HECTD4: variants seen among roughly 807,000 people sequenced by gnomAD.
HECTD4 encodes HECT domain E3 ubiquitin protein ligase 4, also known as probable E3 ubiquitin-protein ligase HECTD4.
In HECTD4, 114 loss-of-function variants were observed where a neutral mutation model predicts 471.5. The observed-to-expected ratio is 0.24, with a 90% confidence interval of 0.21 to 0.28. HECTD4 has a LOEUF of 0.28. Among genes scored for constraint, HECTD4 ranks in the 10% least tolerant of loss-of-function variants. HECTD4 has a pLI of 1.00. For missense variants in HECTD4, 3,866 were observed against 5,651.5 expected, an observed-to-expected ratio of 0.68 and a Z score of 10.13; for synonymous variants, 2,012 against 2,256.0, an observed-to-expected ratio of 0.89 and a Z score of 3.07.
rs140936828 is a variant in HECTD4, at chr12:112,345,822, G to A, written c.178-26080C>T. The stretch of plus-strand genomic sequence containing the variant: ...AGGCAGGAGAATGGCGTGAACCCGG[G>A]AGGCAGAGCTTGCAGTGAGCAGAGA... On this transcript the variant is annotated intron_variant, in intron 1 of 75. Coordinates refer to ENST00000682272, the MANE Select transcript of HECTD4 (RefSeq NM_001388303.1). Among the ~76,000 whole-genome samples the A allele has an allele frequency of 6.1e-3, 926 of 152,330 alleles. 23 individuals carry two copies. The highest frequency in any genetic ancestry group is 0.047 in the East Asian group (244 of 5,180).
intron 64 of HECTD4, among the ~76,000 whole-genome samples, 192 bp downstream of exon 64, chr12:112,178,737 TGG>T (rs2031554548): frequency 6.6e-6 from 1 of 152,146 alleles, no homozygotes; most frequent in African/African-American, 2.4e-5. Context: ...GAGGCTGAGG[TGG>T]GAGGATCGCT....
At chr12:112,167,252 G>A in intron 72 of HECTD4, 65 bp downstream of exon 72, 2 of 1,414,312 alleles carry the variant, frequency 1.4e-6, no homozygotes, top group Non-Finnish European at 2.0e-6. Flanking sequence ...CTGCATGGAG[G>A]CCTAAGCAAG....
Position 112,193,165 on chromosome 12 carries a change from T to G in HECTD4, c.8982A>C (p.Glu2994Asp), listed in dbSNP as rs772548559. The G allele has an allele frequency of 6.2e-7, 1 of 1,613,804 alleles. No individual in the cohort carries two copies. The highest frequency in any genetic ancestry group is 8.5e-7 in the Non-Finnish European group (1 of 1,179,882). Reference protein sequence around the residue: ...LQTAPEQFPSEEFPISESKVN... With the variant: ...LQTAPEQFPSDEFPISESKVN... ...CTTTGGATTCGGAAATTGGGAACTCTTCGGAGGGGAACTGCTCTGGTGCTG... is the reference window on the plus strand; with the variant it reads ...CTTTGGATTCGGAAATTGGGAACTCGTCGGAGGGGAACTGCTCTGGTGCTG... Residue 2994 changes from glutamate (E) to aspartate (D), a missense_variant, in exon 58 of 76, where the codon GAA becomes GAC. By Grantham distance (45) the Glu-to-Asp change is conservative. Transcript: ENST00000682272. The surrounding 1 kb of genome is among the most constrained non-coding windows in gnomAD (Gnocchi z 5.2).
chr12:112,191,328 T>A (rs1180639198), intron 59 of HECTD4, among the ~76,000 whole-genome samples: 3 of 152,222 alleles, frequency 2.0e-5, no homozygotes, highest in Non-Finnish European at 4.4e-5. Flanking sequence ...GGTAAAGAAA[T>A]AATCAGTCCT....
chr12:112,372,872 A>G (rs1380284462), intron 1 of HECTD4, among the ~76,000 whole-genome samples: 1 of 152,040 alleles, frequency 6.6e-6, no homozygotes, highest in Admixed American at 6.6e-5. Flanking sequence ...TTTCAGCCTC[A>G]GCCTCCTGAG....
In HECTD4 at chr12:112,235,669, G is replaced by A. The variant is rs1196685297; in HGVS notation, c.5560C>T (p.Arg1854Trp). The A allele has an allele frequency of 1.9e-6, 3 of 1,613,904 alleles. No individual in the cohort carries two copies. Among genetic ancestry groups the A allele is most frequent in the Admixed American group, 1.7e-5 (1 of 60,002 alleles). The change falls in exon 36 of 76, where the codon CGG becomes TGG. Residue 1854 changes from arginine (R) to tryptophan (W), a missense_variant. Arg to Trp is a moderately radical substitution (Grantham distance 101). Transcript: ENST00000682272. This position sits in a 1 kb window ranked among gnomAD's most constrained non-coding sequence, Gnocchi z 5.0. ...ACGCTCATCAGGGGCAGCGCCGCCC[G>A]GCACAGCTGGAGAATAATAAGGACT... ...KLVLIILQLCRAALPLMSVED... is the reference protein window; with the variant it reads ...KLVLIILQLCWAALPLMSVED...
chr12:112,280,707 C>G (rs990237612), intron 8 of HECTD4, among the ~76,000 whole-genome samples: 1 of 150,386 alleles, frequency 6.6e-6, no homozygotes, highest in African/African-American at 2.5e-5. Flanking sequence ...GTGAGTATAC[C>G]ATTTTCACCA....
At chr12:112,290,958 C>T (rs2034872420) in intron 7 of HECTD4, among the ~76,000 whole-genome samples, 1 of 151,970 alleles carries the variant, frequency 6.6e-6, no homozygotes, top group Non-Finnish European at 1.5e-5. Context: ...AAGAATATAT[C>T]CCGATTCTGC....
At position 112,319,517 on chromosome 12, in the gene HECTD4, G is replaced by A; in HGVS notation, c.403C>T (p.Gln135Ter). ...ALLKRQGLLQQPEQAPFTSRM... is the reference protein window; with the variant it reads ...ALLKRQGLLQ Reference sequence around the variant, plus strand: ...GATGTGAAGGGCGCTTGCTCAGGTTGCTGCAACAAGCCCTGGCGTTTGAGC... The same window carrying A: ...GATGTGAAGGGCGCTTGCTCAGGTTACTGCAACAAGCCCTGGCGTTTGAGC... Residue 135 changes from glutamine to a stop codon, truncating the protein, a stop_gained, in exon 2 of 76, where the codon CAA (glutamine) becomes TAA (stop). Transcript: ENST00000682272. LOFTEE classifies it high-confidence loss of function. This position sits in a 1 kb window ranked among gnomAD's most constrained non-coding sequence, Gnocchi z 5.3. 6.8e-7 allele frequency: 1 copy of A among 1,466,774 alleles called. No homozygotes were observed. The highest frequency in any genetic ancestry group is 2.4e-5 in the Admixed American group (1 of 41,100). The allele number at this position is 1,466,774 out of a possible 1,614,324, so 90.9% of individuals were successfully genotyped here. A position where few individuals can be genotyped will look rare whatever the true frequency, so the allele number is the denominator to read the frequency against.
At chr12:112,373,279 G>A (rs552263050) in intron 1 of HECTD4, among the ~76,000 whole-genome samples, 4 of 152,226 alleles carry the variant, frequency 2.6e-5, no homozygotes, top group African/African-American at 9.6e-5. Context: ...GGTGGCTGAC[G>A]CCTGAAATTC....
intron 4 of HECTD4, among the ~76,000 whole-genome samples, chr12:112,310,884 C>T (rs934617940): frequency 1.3e-5 from 2 of 152,180 alleles, no homozygotes; most frequent in African/African-American, 4.8e-5. Context: ...GGAATGGATA[C>T]TTGTTGAAGC....
At chr12:112,219,330 TACTC>T in intron 45 of HECTD4, 52 bp downstream of exon 45, 2 of 1,261,704 alleles carry the variant, frequency 1.6e-6, no homozygotes, top group Admixed American at 3.8e-5. Context: ...CTGCTGGCCT[TACTC>T]AGTGATGTGT....
intron 9 of HECTD4, among the ~76,000 whole-genome samples, chr12:112,278,211 G>A (rs1001379795): frequency 6.6e-6 from 1 of 152,122 alleles, no homozygotes; most frequent in Non-Finnish European, 1.5e-5. Flanking sequence ...GGGAGTAGGA[G>A]AGCAACTGTT....
chr12:112,258,450 A>C (rs1202862946), intron 20 of HECTD4, 46 bp downstream of exon 20: 12 of 1,390,912 alleles, frequency 8.6e-6, no homozygotes, highest in Non-Finnish European at 9.8e-6. Flanking sequence ...GCTTTCACCC[A>C]AAGAAAACAA....
chr12:112,170,543 C>G (rs774072848), intron 68 of HECTD4, 91 bp from the exon 69 acceptor site: 11 of 1,512,746 alleles, frequency 7.3e-6, no homozygotes, highest in Non-Finnish European at 9.8e-6. Flanking sequence ...CTGGGTGTGG[C>G]ACTCTCAGGC....
In HECTD4 at chr12:112,163,984, G is replaced by T; in HGVS notation, c.12701+125C>A. Reference sequence around the variant, plus strand: ...CCATCCTGCCTCATCTCCCTCTCCTGGTGAAATCCACCTGTCACCTGACCT... The same window carrying T: ...CCATCCTGCCTCATCTCCCTCTCCTTGTGAAATCCACCTGTCACCTGACCT... On this transcript the variant is annotated intron_variant, in intron 73 of 75. Transcript: ENST00000682272. This position sits in a 1 kb window ranked among gnomAD's most constrained non-coding sequence, Gnocchi z 8.2. 2 of 1,071,252 alleles carry T rather than the reference G, an allele frequency of 1.9e-6. No individual in the cohort carries two copies. The highest frequency in any genetic ancestry group is 2.9e-5 in the East Asian group (1 of 34,114). The allele number at this position is 1,071,252 out of a possible 1,614,324, so 66.4% of individuals were successfully genotyped here.
intron 6 of HECTD4, among the ~76,000 whole-genome samples, chr12:112,308,521 TA>T (rs1000729827): frequency 6.7e-6 from 1 of 150,136 alleles, no homozygotes; most frequent in Non-Finnish European, 1.5e-5. Flanking sequence ...TTCTTAATTA[TA>T]AAAAAAAGTT....
Position 112,163,378 on chromosome 12 carries a change from G to T in HECTD4, c.12898-114C>A. On this transcript the variant is annotated intron_variant, in intron 74 of 75. Coordinates refer to ENST00000682272, the MANE Select transcript of HECTD4 (RefSeq NM_001388303.1). The surrounding 1 kb of genome is among the most constrained non-coding windows in gnomAD (Gnocchi z 8.2). ...TCCTGGGGCAGGGTGCAACGTGTGG[G>T]CTGTGAGCACAGGGAGATGACAATG... 9.0e-7 allele frequency: 1 copy of T among 1,111,492 alleles called. No individual in the cohort carries two copies. Among genetic ancestry groups the T allele is most frequent in the Non-Finnish European group, 1.3e-6 (1 of 780,516 alleles). The allele number at this position is 1,111,492 out of a possible 1,614,324, so 68.9% of individuals were successfully genotyped here.
rs984872676 is a variant in HECTD4, at chr12:112,213,396, T to C, written c.7466-746A>G. Among the ~76,000 whole-genome samples the C allele has an allele frequency of 2.0e-5, 3 of 152,026 alleles. No homozygotes were observed. The highest frequency in any genetic ancestry group is 6.6e-5 in the Admixed American group (1 of 15,240). ...AATATTCAGAAATGGCCTAAAAATATATAATTTAGGCCGGGCACAGTGGCT... is the reference window on the plus strand; with the variant it reads ...AATATTCAGAAATGGCCTAAAAATACATAATTTAGGCCGGGCACAGTGGCT... On this transcript the variant is annotated intron_variant, in intron 48 of 75. Coordinates refer to ENST00000682272, the MANE Select transcript of HECTD4 (RefSeq NM_001388303.1). This position sits in a 1 kb window ranked among gnomAD's most constrained non-coding sequence, Gnocchi z 4.0.
Sources: allele counts gnomAD v4.1 joint callset (sites outside exome capture counted in the v4.1 genomes callset), GRCh38; gene constraint gnomAD v4.1.1; non-coding constraint Gnocchi (gnomAD v3.1); transcripts MANE v1.5; gene names NCBI Gene and HGNC (gene_info 2026-07-23, HGNC 2026-07-21).